The following ASAP1 variants were observed in gnomAD, a reference collection of about 807,000 sequenced individuals.
ASAP1 encodes arf-GAP with SH3 domain, ANK repeat and PH domain-containing protein 1.
ASAP1 carries 43 observed loss-of-function variants against 145.2 expected under a neutral mutation model. The ratio of observed to expected loss-of-function variants is 0.30; its 90% CI spans 0.23 to 0.38. The LOEUF is 0.38. ASAP1 is among the 10% of genes least tolerant of loss of function. The pLI is 1.00. For missense variants in ASAP1, 1,018 were observed against 1,355.3 expected (o/e 0.75, Z 3.91); for synonymous variants, 546 against 515.5 (o/e 1.06, Z -0.80).
At chr8:130,405,327 T>C (rs7812469) in intron 1 of ASAP1, among the ~76,000 whole-genome samples, 49,434 of 151,920 alleles carry the variant, frequency 0.33, 8,815 homozygotes, top group African/African-American at 0.46. Flanking sequence ...AGACAGTGTG[T>C]GGCAGAACTA....
chr8:130,116,765 A>T lies in ASAP1; in HGVS notation c.1997-20T>A, dbSNP rs1050788247. The T allele has an allele frequency of 3.7e-6, 6 of 1,610,760 alleles. No individual in the cohort carries two copies. The highest frequency in any genetic ancestry group is 5.1e-6 in the Non-Finnish European group (6 of 1,177,200). Reference sequence around the variant, plus strand: ...GGTTAACTGAAATAGGAAAAAAATTAATTTGCATAATTATCTAGGAAACAC... The same window carrying T: ...GGTTAACTGAAATAGGAAAAAAATTTATTTGCATAATTATCTAGGAAACAC... On this transcript the variant is annotated intron_variant, in intron 21 of 29. Transcript: ENST00000518721.
intron 4 of ASAP1, among the ~76,000 whole-genome samples, chr8:130,224,158 G>A (rs1817455944): frequency 6.6e-6 from 1 of 152,158 alleles, no homozygotes; most frequent in African/African-American, 2.4e-5. Context: ...CTCACTGCAT[G>A]TAGTGGATTC....
At chr8:130,251,863 T>C (rs558752571) in intron 3 of ASAP1, among the ~76,000 whole-genome samples, 1 of 152,058 alleles carries the variant, frequency 6.6e-6, no homozygotes, top group Non-Finnish European at 1.5e-5. Flanking sequence ...CTGTAAGAAA[T>C]AGAAAAAAGA....
At chr8:130,315,821 C>T (rs1161377773) in intron 3 of ASAP1, among the ~76,000 whole-genome samples, 3 of 152,224 alleles carry the variant, frequency 2.0e-5, no homozygotes, top group Non-Finnish European at 2.9e-5. Flanking sequence ...AACACTTCTG[C>T]CCATCCATCA....
At chr8:130,420,048 C>T (rs1367645149) in intron 1 of ASAP1, among the ~76,000 whole-genome samples, 3 of 151,916 alleles carry the variant, frequency 2.0e-5, no homozygotes, top group Non-Finnish European at 4.4e-5. Context: ...ATCTCTGCTC[C>T]GCAAAGTGCT....
chr8:130,131,892 C>T (rs2097583742), intron 15 of ASAP1, among the ~76,000 whole-genome samples: 2 of 152,186 alleles, frequency 1.3e-5, no homozygotes. Context: ...ACGGGCAGGA[C>T]ACCAATCTCT....
intron 3 of ASAP1, among the ~76,000 whole-genome samples, chr8:130,330,292 T>C (rs946458273): frequency 1.2e-4 from 19 of 152,204 alleles, no homozygotes; most frequent in Non-Finnish European, 1.2e-4. Context: ...TCAAAAGGTG[T>C]CCTCTGCCTG....
chr8:130,441,023 A>G (rs1830471461), intron 1 of ASAP1, among the ~76,000 whole-genome samples: 1 of 152,234 alleles, frequency 6.6e-6, no homozygotes. Context: ...CCACCACTGT[A>G]TCATCAGGAC....
intron 2 of ASAP1, among the ~76,000 whole-genome samples, chr8:130,363,065 A>G (rs1358274087): frequency 6.6e-6 from 1 of 152,228 alleles, no homozygotes; most frequent in Non-Finnish European, 1.5e-5. Context: ...TCTGAGTCTC[A>G]GTTTTCATAT....
At chr8:130,244,230 A>C (rs774338029) in intron 3 of ASAP1, among the ~76,000 whole-genome samples, 3 of 152,168 alleles carry the variant, frequency 2.0e-5, no homozygotes, top group African/African-American at 7.2e-5. Context: ...AAGAATGAAT[A>C]TCTCTCTTAT....
At chr8:130,341,328 T>G (rs562238652) in intron 3 of ASAP1, among the ~76,000 whole-genome samples, 1 of 152,126 alleles carries the variant, frequency 6.6e-6, no homozygotes, top group Non-Finnish European at 1.5e-5. Context: ...GCACCCACAG[T>G]GTCTAAGCGC....
intron 3 of ASAP1, among the ~76,000 whole-genome samples, chr8:130,347,602 C>A (rs934358550): frequency 6.6e-6 from 1 of 152,204 alleles, no homozygotes; most frequent in Non-Finnish European, 1.5e-5. Flanking sequence ...CTGAGGACCA[C>A]CATCACCCCC....
At chr8:130,058,280 C>A (rs796150422) in intron 28 of ASAP1, among the ~76,000 whole-genome samples, 1 of 152,184 alleles carries the variant, frequency 6.6e-6, no homozygotes, top group Non-Finnish European at 1.5e-5. Context: ...TCCTCTCCCC[C>A]CATCATCAGG....
At chr8:130,350,392 A>T (rs16904253) in intron 3 of ASAP1, among the ~76,000 whole-genome samples, 16,661 of 152,202 alleles carry the variant, frequency 0.11, 1,043 homozygotes, top group South Asian at 0.28. Flanking sequence ...CAAAGCAATG[A>T]GGACTAAACT....
chr8:130,283,620 C>CAAAAAAAAAA (rs1821407637), intron 3 of ASAP1, among the ~76,000 whole-genome samples: 1 of 136,000 alleles, frequency 7.4e-6, no homozygotes, highest in African/African-American at 2.9e-5. Flanking sequence ...AAAAAGAAGG[C>CAAAAAAAAAA]AGGATGCAGA....
intron 2 of ASAP1, among the ~76,000 whole-genome samples, chr8:130,384,391 C>T (rs1210547278): frequency 2.0e-5 from 3 of 152,162 alleles, no homozygotes; most frequent in Non-Finnish European, 4.4e-5. Flanking sequence ...TATGTGCCAC[C>T]CTCCCCCTCT....
intron 2 of ASAP1, among the ~76,000 whole-genome samples, chr8:130,376,053 T>C (rs1230728528): frequency 6.6e-6 from 1 of 152,136 alleles, no homozygotes; most frequent in Non-Finnish European, 1.5e-5. Context: ...CAAAAAGACA[T>C]AATCAATTTG....
chr8:130,072,827 G>GTGTGCGCGCGCGCGCGCA (rs1554816426), intron 27 of ASAP1, among the ~76,000 whole-genome samples: 22 of 98,418 alleles, frequency 2.2e-4, no homozygotes, highest in East Asian at 5.7e-4. Flanking sequence ...GTGTGTGTGC[G>GTGTGCGCGCGCGCGCGCA]CGCGGGGGGG....
intron 17 of ASAP1, 76 bp from the exon 18 acceptor site, chr8:130,124,180 T>C (rs2097571233): frequency 9.5e-7 from 1 of 1,052,560 alleles, no homozygotes; most frequent in Non-Finnish European, 1.4e-6. Flanking sequence ...TTATTTGTTT[T>C]TGAGATTTAT....
Sources: gnomAD v4.1 joint callset for allele counts (sites outside exome capture counted in the v4.1 genomes callset) on GRCh38, gnomAD v4.1.1 for gene constraint, MANE v1.5 for transcripts, NCBI Gene and HGNC (gene_info 2026-07-23, HGNC 2026-07-21) for gene names.